The following ABCA8 variants were observed in gnomAD, a reference collection of about 807,000 sequenced individuals.
ABCA8 encodes the protein ABC-type organic anion transporter ABCA8.
In ABCA8, 177 loss-of-function variants were observed where a neutral mutation model predicts 192.3. The observed-to-expected ratio is 0.92, with a 90% confidence interval of 0.81 to 1.04. ABCA8 has a LOEUF of 1.04. Ranked by LOEUF, ABCA8 falls within the 50% of genes least tolerant of loss-of-function variation. ABCA8 has a pLI of 0.00. For synonymous variants in ABCA8, 642 were observed against 690.2 expected (o/e 0.93, Z 1.09); for missense variants, 1,915 against 1,904.8 (o/e 1.01, Z -0.10).
At chr17:68,884,580 T>G (rs1231604578) in intron 27 of ABCA8, 184 bp from the exon 28 acceptor site, 8 of 1,299,566 alleles carry the variant, frequency 6.2e-6, no homozygotes, top group Admixed American at 4.1e-5. Context: ...AGCTTTTGTT[T>G]GAAGCAATAG....
At chr17:68,916,515 A>G (rs1439908142) in intron 17 of ABCA8, among the ~76,000 whole-genome samples, 8 of 152,186 alleles carry the variant, frequency 5.3e-5, no homozygotes, top group African/African-American at 1.7e-4. Context: ...CACCTACTAT[A>G]TACCCTTTAA....
chr17:68,876,605 G>C, intron 34 of ABCA8, 23 bp downstream of exon 34: 1 of 1,614,142 alleles, frequency 6.2e-7, no homozygotes, highest in Non-Finnish European at 8.5e-7. Context: ...CACTTGCAGA[G>C]CAACACCAAG....
At position 68,894,206 on chromosome 17, in the gene ABCA8, T is replaced by C; in HGVS notation, c.3003A>G (p.Val1001=). 6.2e-7 allele frequency: 1 copy of C among 1,613,380 alleles called. No homozygotes were observed. Among genetic ancestry groups the C allele is most frequent in the Non-Finnish European group, 8.5e-7 (1 of 1,179,642 alleles). The change falls in exon 23 of 40, where the codon GTA becomes GTG. Residue 1001 remains valine (V), a synonymous_variant. Coordinates refer to ENST00000586539, the MANE Select transcript of ABCA8 (RefSeq NM_001288985.2). The part of the protein sequence containing the change: ...NGLLGMVKPS[V]HIRTERSTFL... ...ATGTACTTCTTTCAGTTCGGATATG[T>C]ACTGATGGTTTAACCATTCCAAGTA... is the stretch of plus-strand genomic sequence containing the variant.
At chr17:68,906,397 C>T (rs1269107908) in intron 18 of ABCA8, among the ~76,000 whole-genome samples, 1 of 152,010 alleles carries the variant, frequency 6.6e-6, no homozygotes, top group African/African-American at 2.4e-5. Flanking sequence ...AATTTATATT[C>T]ATTTGCATTT....
intron 26 of ABCA8, 88 bp from the exon 27 acceptor site, chr17:68,885,403 T>G (rs1413650463): frequency 3.0e-6 from 4 of 1,327,702 alleles, no homozygotes; most frequent in Non-Finnish European, 4.1e-6. Flanking sequence ...TATTACTAAT[T>G]TCAACTCCAA....
At chr17:68,887,538 G>T (rs759035222) in intron 24 of ABCA8, 32 bp from the exon 25 acceptor site, 1 of 1,559,110 alleles carries the variant, frequency 6.4e-7, no homozygotes, top group East Asian at 2.3e-5. Flanking sequence ...TACAAAGTTT[G>T]TGGCTTAAGA....
At chr17:68,895,050 T>C (rs936697472) in intron 21 of ABCA8, 37 bp from the exon 22 acceptor site, 29 of 1,526,704 alleles carry the variant, frequency 1.9e-5, no homozygotes, top group Non-Finnish European at 2.4e-5. Flanking sequence ...ATCACAAAAC[T>C]AAAAACATTA....
intron 4 of ABCA8, among the ~76,000 whole-genome samples, chr17:68,940,187 AAC>A (rs2068186498): frequency 6.6e-6 from 1 of 152,164 alleles, no homozygotes; most frequent in Non-Finnish European, 1.5e-5. Context: ...AACTCAACTT[AAC>A]AACTACTTAA....
At chr17:68,955,071 A>C (rs1449921219) in intron 1 of ABCA8, 148 bp downstream of exon 1, 2 of 152,204 alleles carry the variant, frequency 1.3e-5, no homozygotes, top group Non-Finnish European at 2.9e-5. Flanking sequence ...TATTTTTCAA[A>C]ATAATTTCTG....
chr17:68,900,538 C>CA (rs35696026), intron 21 of ABCA8, among the ~76,000 whole-genome samples: 89 of 108,856 alleles, frequency 8.2e-4, no homozygotes, highest in Admixed American at 9.1e-4. Flanking sequence ...CACAAAGTCT[C>CA]AAAAAAAAAA....
chr17:68,932,081 GC>G lies in ABCA8; in HGVS notation c.797+206del. ...AAAAATTATCCAGGCATGGTGGTCG[GC>G]ACCTGCAGTCCCAGCTACTTGGGAG... On this transcript the variant is annotated intron_variant, in intron 7 of 39. Coordinates refer to ENST00000586539, the MANE Select transcript of ABCA8 (RefSeq NM_001288985.2). 7.5e-6 allele frequency: 3 copies of G among 402,318 alleles called. No homozygotes were observed. The South Asian group carries it at 1.1e-4, about 15-fold the overall frequency. The allele number at this position is 402,318 out of a possible 1,614,324, so 24.9% of individuals were successfully genotyped here. A position where few individuals can be genotyped will look rare whatever the true frequency, so the allele number is the denominator to read the frequency against.
intron 5 of ABCA8, among the ~76,000 whole-genome samples, chr17:68,936,432 G>T (rs192042869): frequency 6.6e-6 from 1 of 152,130 alleles, no homozygotes; most frequent in African/African-American, 2.4e-5. Flanking sequence ...TTATTGAAAA[G>T]GATTTTTCCC....
In ABCA8 at chr17:68,918,552, C is replaced by A. The variant is rs754961796; in HGVS notation, c.1789-6G>T. 13 of 1,486,004 alleles carry A rather than the reference C, an allele frequency of 8.7e-6. No homozygotes were observed. Among genetic ancestry groups the A allele is most frequent in the Non-Finnish European group, 1.2e-5 (13 of 1,129,634 alleles). The allele number at this position is 1,486,004 out of a possible 1,614,324, so 92.1% of individuals were successfully genotyped here. A position where few individuals can be genotyped will look rare whatever the true frequency, so the allele number is the denominator to read the frequency against. ...TCCAGCAGAACCCTTTGTATCTAACCAAAAGACAGTATTTATGTCATACAC... is the reference window on the plus strand; with the variant it reads ...TCCAGCAGAACCCTTTGTATCTAACAAAAAGACAGTATTTATGTCATACAC... On this transcript the variant is annotated splice_region_variant and splice_polypyrimidine_tract_variant and intron_variant, in intron 14 of 39. Transcript: ENST00000586539.
intron 7 of ABCA8, among the ~76,000 whole-genome samples, chr17:68,929,967 G>A (rs1598275711): frequency 8.8e-6 from 1 of 114,074 alleles, no homozygotes; most frequent in Admixed American, 1.2e-4. Context: ...CATGCACATT[G>A]TTCTGGGGGG....
At chr17:68,871,698 G>A (rs1025478476) in intron 37 of ABCA8, among the ~76,000 whole-genome samples, 10 of 152,014 alleles carry the variant, frequency 6.6e-5, no homozygotes, top group Non-Finnish European at 1.2e-4. Flanking sequence ...CAGTGACCCC[G>A]TAAGCTTATA....
intron 24 of ABCA8, among the ~76,000 whole-genome samples, chr17:68,888,072 C>CAT (rs1344585875): frequency 1.4e-5 from 2 of 144,402 alleles, no homozygotes; most frequent in Non-Finnish European, 3.0e-5. Flanking sequence ...ATACACACTC[C>CAT]ATATATATAC....
At chr17:68,903,039 A>G (rs2066955074) in intron 20 of ABCA8, among the ~76,000 whole-genome samples, 160 bp from the exon 21 acceptor site, 2 of 152,206 alleles carry the variant, frequency 1.3e-5, no homozygotes, top group African/African-American at 4.8e-5. Flanking sequence ...CTCCAAATTC[A>G]AGATGTTAAA....
At chr17:68,904,792 G>C (rs2067021267) in intron 19 of ABCA8, among the ~76,000 whole-genome samples, 1 of 152,136 alleles carries the variant, frequency 6.6e-6, no homozygotes. Context: ...ATAGTGTCTT[G>C]AGCAAGACAT....
chr17:68,954,295 C>T (rs980197767), intron 1 of ABCA8, among the ~76,000 whole-genome samples: 9 of 150,462 alleles, frequency 6.0e-5, no homozygotes, highest in African/African-American at 2.2e-4. Context: ...AATTCACTGG[C>T]GAAGTTAATA....
Sources: allele counts gnomAD v4.1 joint callset (sites outside exome capture counted in the v4.1 genomes callset), GRCh38; gene constraint gnomAD v4.1.1; transcripts MANE v1.5; gene names NCBI Gene and HGNC (gene_info 2026-07-23, HGNC 2026-07-21).